Variants in THSD4 observed in about 807,000 individuals in gnomAD.
THSD4 encodes the protein thrombospondin type 1 domain containing 4.
THSD4 carries 69 observed loss-of-function variants against 119.0 expected under a neutral mutation model. The observed-to-expected ratio is 0.58, with a 90% CI of 0.48 to 0.71. The LOEUF (loss-of-function observed/expected upper bound fraction) is 0.71. Among genes scored for constraint, THSD4 ranks in the 30% least tolerant of loss-of-function variants. The probability of loss-of-function intolerance (pLI) is 0.00; values close to 1 mark genes in which losing one functional copy is unlikely to be tolerated. For missense variants in THSD4, 1,393 were observed against 1,391.1 expected (o/e 1.00, Z -0.02); for synonymous variants, 524 against 540.4 (o/e 0.97, Z 0.42).
chr15:71,420,537 GTCTTC>G (rs1275913222), intron 7 of THSD4, among the ~76,000 whole-genome samples: 1 of 105,938 alleles, frequency 9.4e-6, no homozygotes, highest in East Asian at 3.1e-4. Flanking sequence ...TTGTTTTGTA[GTCTTC>G]TCTTCTTTCC....
intron 3 of THSD4, among the ~76,000 whole-genome samples, chr15:71,207,941 G>T (rs1042267478): frequency 6.6e-6 from 1 of 152,146 alleles, no homozygotes; most frequent in Non-Finnish European, 1.5e-5. Flanking sequence ...TAACATAAGC[G>T]ATAAGGAATT....
chr15:71,232,350 A>G (rs1252918149), intron 4 of THSD4, among the ~76,000 whole-genome samples: 1 of 152,156 alleles, frequency 6.6e-6, no homozygotes, highest in African/African-American at 2.4e-5. Flanking sequence ...GCCCACCCAT[A>G]TGTCACTTCA....
intron 7 of THSD4, among the ~76,000 whole-genome samples, chr15:71,441,773 T>C (rs755672652): frequency 2.0e-5 from 3 of 152,078 alleles, no homozygotes; most frequent in Non-Finnish European, 4.4e-5. Context: ...ATCTCCTTTA[T>C]TAAGTTCCTA....
intron 7 of THSD4, among the ~76,000 whole-genome samples, chr15:71,657,013 G>T (rs550279546): frequency 6.6e-6 from 1 of 152,224 alleles, no homozygotes; most frequent in South Asian, 2.1e-4. Context: ...CCTCATTCAG[G>T]CTGGGATATT....
chr15:71,319,911 C>G (rs549224154), intron 6 of THSD4, among the ~76,000 whole-genome samples: 1 of 152,260 alleles, frequency 6.6e-6, no homozygotes, highest in Non-Finnish European at 1.5e-5. Context: ...TACAGGAGTT[C>G]TCAGAGCTCT....
At chr15:71,441,810 T>A (rs1232509146) in intron 7 of THSD4, among the ~76,000 whole-genome samples, 2 of 152,034 alleles carry the variant, frequency 1.3e-5, no homozygotes, top group East Asian at 3.9e-4. Flanking sequence ...TTTTCCACTT[T>A]AGTAAAGCGG....
upstream of THSD4, chr15:71,112,008 C>A (rs566072790): frequency 3.1e-5 from 38 of 1,213,154 alleles, no homozygotes; most frequent in African/African-American, 1.1e-4. Flanking sequence ...AGTTTCCCCC[C>A]AAAGGGTCCA....
At chr15:71,452,042 A>C (rs2047272481) in intron 7 of THSD4, among the ~76,000 whole-genome samples, 3 of 152,050 alleles carry the variant, frequency 2.0e-5, no homozygotes, top group Non-Finnish European at 1.5e-5. Context: ...GCTCAAGCTC[A>C]AGCTCCACCA....
intron 7 of THSD4, among the ~76,000 whole-genome samples, chr15:71,611,985 C>G (rs533754362): frequency 1.3e-5 from 2 of 152,316 alleles, no homozygotes; most frequent in East Asian, 3.9e-4. Context: ...AGTGAGTACT[C>G]TTCGCCAAGA....
At chr15:71,514,866 A>T (rs906225508) in intron 7 of THSD4, among the ~76,000 whole-genome samples, 1 of 152,198 alleles carries the variant, frequency 6.6e-6, no homozygotes, top group African/African-American at 2.4e-5. Flanking sequence ...TATAATTTCT[A>T]TTGGATACAT....
chr15:71,335,663 G>C lies in THSD4; in HGVS notation c.1016-76024G>C, dbSNP rs375150732. Among the ~76,000 whole-genome samples, 353 of 152,134 alleles carry C rather than the reference G, an allele frequency of 2.3e-3. 2 individuals are homozygous for C. The highest frequency in any genetic ancestry group is 7.9e-3 in the African/African-American group (328 of 41,480). ...ATGAACTTCAAGGCCCAATTTCCTC[G>C]GTGAAGATGAATGCAAGGCTTATTT... is the stretch of plus-strand genomic sequence containing the variant. On this transcript the variant is annotated intron_variant, in intron 6 of 17. Transcript: ENST00000261862.
chr15:71,116,765 T>C (rs1234359444), intron 1 of THSD4, among the ~76,000 whole-genome samples: 1 of 152,072 alleles, frequency 6.6e-6, no homozygotes, highest in Non-Finnish European at 1.5e-5. Context: ...AGTCTGAAGA[T>C]TTTTCAAGGA....
chr15:71,633,265 CTTTCTTTT>C (rs1279450120), intron 7 of THSD4, among the ~76,000 whole-genome samples: 117 of 123,574 alleles, frequency 9.5e-4, no homozygotes, highest in Non-Finnish European at 1.3e-3. Context: ...TTCTTTCTTT[CTTTCTTTT>C]TTTTTTTTTT....
At chr15:71,526,508 G>C (rs2048521355) in intron 7 of THSD4, among the ~76,000 whole-genome samples, 1 of 150,624 alleles carries the variant, frequency 6.6e-6, no homozygotes, top group African/African-American at 2.4e-5. Flanking sequence ...AGTTGTGTTT[G>C]GTTTTTTATT....
At chr15:71,437,600 G>A (rs1043036136) in intron 7 of THSD4, among the ~76,000 whole-genome samples, 6 of 152,170 alleles carry the variant, frequency 3.9e-5, no homozygotes, top group Admixed American at 2.0e-4. Flanking sequence ...GAGACCTTGA[G>A]GTGCTTACTT....
intron 1 of THSD4, among the ~76,000 whole-genome samples, chr15:71,099,704 C>T (rs536689427): frequency 3.0e-4 from 45 of 152,236 alleles, no homozygotes; most frequent in Admixed American, 2.0e-3. Flanking sequence ...GTGGCTCACA[C>T]CTGCAACCCC....
intron 4 of THSD4, among the ~76,000 whole-genome samples, chr15:71,219,972 C>T (rs964638108): frequency 2.0e-5 from 3 of 152,158 alleles, no homozygotes; most frequent in Non-Finnish European, 2.9e-5. Flanking sequence ...TGTGTCTTGA[C>T]AAATGGATGG....
intron 16 of THSD4, among the ~76,000 whole-genome samples, chr15:71,769,975 G>A (rs2053789417): frequency 1.1e-5 from 1 of 91,572 alleles, no homozygotes; most frequent in South Asian, 3.5e-4. Context: ...GGCCAGCTGT[G>A]GTGGCTCACG....
chr15:71,621,814 G>A (rs2050423391), intron 7 of THSD4, among the ~76,000 whole-genome samples: 1 of 152,198 alleles, frequency 6.6e-6, no homozygotes, highest in Non-Finnish European at 1.5e-5. Flanking sequence ...TTAAGTCTCA[G>A]TAATAGAGGA....
Sources: allele counts gnomAD v4.1 joint callset (sites outside exome capture counted in the v4.1 genomes callset), GRCh38; gene constraint gnomAD v4.1.1; transcripts MANE v1.5; gene names NCBI Gene and HGNC (gene_info 2026-07-23, HGNC 2026-07-21).